Variants in CNTN5 observed in about 807,000 individuals in gnomAD.
CNTN5 encodes contactin 5.
A neutral mutation model predicts 129.1 loss-of-function variants in CNTN5; 77 were observed. That is an observed-to-expected ratio of 0.60 (90% CI 0.50 to 0.72). The LOEUF (loss-of-function observed/expected upper bound fraction) is 0.72. Among genes scored for constraint, CNTN5 ranks in the 30% least tolerant of loss-of-function variants. The pLI is 0.00. For missense variants in CNTN5, 1,478 were observed against 1,328.8 expected (o/e 1.11, Z -1.75); for synonymous variants, 509 against 465.6 (o/e 1.09, Z -1.20).
chr11:99,578,309 G>A (rs371000597), intron 3 of CNTN5, among the ~76,000 whole-genome samples: 1 of 151,622 alleles, frequency 6.6e-6, no homozygotes, highest in African/African-American at 2.4e-5. Context: ...GTGTCTTTAT[G>A]GCAGCATGAT....
chr11:99,399,230 A>C (rs1941678731), intron 2 of CNTN5, among the ~76,000 whole-genome samples: 1 of 151,766 alleles, frequency 6.6e-6, no homozygotes, highest in Non-Finnish European at 1.5e-5. Flanking sequence ...TTGTCTATAC[A>C]TATAATTGAA....
At chr11:99,633,162 C>G (rs562681526) in intron 3 of CNTN5, among the ~76,000 whole-genome samples, 1 of 152,080 alleles carries the variant, frequency 6.6e-6, no homozygotes, top group African/African-American at 2.4e-5. Flanking sequence ...GAGGAAAGAA[C>G]TTTCAGTTTC....
intron 2 of CNTN5, among the ~76,000 whole-genome samples, chr11:99,523,694 CAGAATAGAACAGAAT>C (rs1489258930): frequency 1.0e-4 from 8 of 77,984 alleles, no homozygotes; most frequent in African/African-American, 3.7e-4. Context: ...CAGAACAGAA[CAGAATAGAACAGAAT>C]AGAATAGAAT....
chr11:99,163,349 T>C (rs1860710002), intron 1 of CNTN5, among the ~76,000 whole-genome samples: 1 of 152,086 alleles, frequency 6.6e-6, no homozygotes, highest in South Asian at 2.1e-4. Flanking sequence ...CTACTCCTTT[T>C]GGTTGAATTA....
In CNTN5 at chr11:99,606,784, A is replaced by C. The variant is rs1950431492; in HGVS notation, c.55+50515A>C. 2.1e-5 allele frequency among the ~76,000 whole-genome samples: 3 copies of C among 142,324 alleles called. 1 individual carries two copies. In the South Asian group the frequency reaches 7.1e-4, roughly 34 times the overall value. The allele number at this position is 142,324 out of a possible 152,430, so 93.4% of individuals were successfully genotyped here. A position where few individuals can be genotyped will look rare whatever the true frequency, so the allele number is the denominator to read the frequency against. On this transcript the variant is annotated intron_variant, in intron 3 of 24. Transcript: ENST00000524871. ...AATGGAACAGAACAGAGCCCTCAGA[A>C]ATAATGCCGCATATCTACAACTATC...
At chr11:99,397,759 T>C (rs1471358092) in intron 2 of CNTN5, among the ~76,000 whole-genome samples, 1 of 151,842 alleles carries the variant, frequency 6.6e-6, no homozygotes, top group African/African-American at 2.4e-5. Context: ...ATTTTACATA[T>C]TTCCTTCCTC....
At chr11:100,340,014 T>C (rs1952125538) in intron 21 of CNTN5, among the ~76,000 whole-genome samples, 1 of 152,194 alleles carries the variant, frequency 6.6e-6, no homozygotes, top group South Asian at 2.1e-4. Context: ...TCCATTAAAC[T>C]GATACAGCTC....
At chr11:99,452,540 T>G (rs1263889325) in intron 2 of CNTN5, among the ~76,000 whole-genome samples, 1 of 151,852 alleles carries the variant, frequency 6.6e-6, no homozygotes. Context: ...ACCCGGCTAA[T>G]TTTTTGCATT....
intron 1 of CNTN5, among the ~76,000 whole-genome samples, chr11:99,201,377 T>TCCTTCCTTCCTC (rs770352934): frequency 4.2e-5 from 6 of 141,668 alleles, no homozygotes; most frequent in Middle Eastern, 3.9e-3. Flanking sequence ...CTTCCTTCCT[T>TCCTTCCTTCCTC]CCTTCTTTCC....
intron 2 of CNTN5, among the ~76,000 whole-genome samples, chr11:99,521,848 TTCTC>T (rs1345949976): frequency 1.3e-5 from 2 of 152,208 alleles, no homozygotes; most frequent in African/African-American, 2.4e-5. Flanking sequence ...TCAAACATGT[TTCTC>T]TATTAATTAG....
chr11:99,617,072 T>C (rs1347635693), intron 3 of CNTN5, among the ~76,000 whole-genome samples: 1 of 152,164 alleles, frequency 6.6e-6, no homozygotes, highest in Non-Finnish European at 1.5e-5. Flanking sequence ...GATTGTGCCA[T>C]TGCACTCTAG....
intron 3 of CNTN5, among the ~76,000 whole-genome samples, chr11:99,758,363 T>G (rs1944470163): frequency 6.6e-6 from 1 of 152,126 alleles, no homozygotes; most frequent in Admixed American, 6.6e-5. Flanking sequence ...TACAAAGAAC[T>G]TATACTTTAT....
chr11:99,273,704 C>T (rs1055638776), intron 1 of CNTN5, among the ~76,000 whole-genome samples: 1 of 151,388 alleles, frequency 6.6e-6, no homozygotes, highest in African/African-American at 2.4e-5. Context: ...TATATTATGT[C>T]ATTCGTTGTA....
chr11:99,203,997 A>T (rs1859349127), intron 1 of CNTN5, among the ~76,000 whole-genome samples: 1 of 152,346 alleles, frequency 6.6e-6, no homozygotes, highest in South Asian at 2.1e-4. Context: ...CCATGACTTG[A>T]AAAGATTATA....
intron 1 of CNTN5, among the ~76,000 whole-genome samples, chr11:99,164,745 C>A (rs1293279080): frequency 6.6e-6 from 1 of 151,798 alleles, no homozygotes; most frequent in Non-Finnish European, 1.5e-5. Flanking sequence ...GTCATTTTTT[C>A]AGACACTGAT....
intron 1 of CNTN5, among the ~76,000 whole-genome samples, chr11:99,053,822 T>G (rs1407358085): frequency 1.3e-5 from 2 of 151,960 alleles, no homozygotes. Flanking sequence ...AGTTTTGAAA[T>G]TTTTTTATTT....
chr11:99,024,195 C>T (rs74661009), intron 1 of CNTN5, among the ~76,000 whole-genome samples: 5,383 of 152,156 alleles, frequency 0.035, 315 homozygotes, highest in African/African-American at 0.12. Context: ...ATTCCATCTC[C>T]CTACCCACTC....
chr11:99,095,040 T>A (rs970979297), intron 1 of CNTN5, among the ~76,000 whole-genome samples: 1 of 151,886 alleles, frequency 6.6e-6, no homozygotes, highest in African/African-American at 2.4e-5. Context: ...CATGCAGGTT[T>A]GTTACATAGG....
chr11:99,962,265 G>T (rs1029863382), intron 8 of CNTN5, among the ~76,000 whole-genome samples: 1 of 151,742 alleles, frequency 6.6e-6, no homozygotes, highest in Non-Finnish European at 1.5e-5. Flanking sequence ...CCATTAACTC[G>T]TCGTTTAACA....
Sources: gnomAD v4.1 joint callset for allele counts (sites outside exome capture counted in the v4.1 genomes callset) on GRCh38, gnomAD v4.1.1 for gene constraint, MANE v1.5 for transcripts, NCBI Gene and HGNC (gene_info 2026-07-23, HGNC 2026-07-21) for gene names.